SLC1A5: variants seen among roughly 807,000 people sequenced by gnomAD.
SLC1A5 encodes the protein solute carrier family 1 member 5.
In SLC1A5, 25 loss-of-function variants were observed where a neutral mutation model predicts 34.9. The observed-to-expected ratio is 0.72, with a 90% CI of 0.52 to 1.00. The LOEUF (loss-of-function observed/expected upper bound fraction) is 1.00. Ranked by LOEUF, SLC1A5 falls within the 50% of genes least tolerant of loss-of-function variation. The probability of loss-of-function intolerance (pLI) is 0.00; values close to 1 mark genes in which losing one functional copy is unlikely to be tolerated. For missense variants in SLC1A5, 637 were observed against 740.0 expected, an observed-to-expected ratio of 0.86 and a Z score of 1.61; for synonymous variants, 351 against 341.2, an observed-to-expected ratio of 1.03 and a Z score of -0.32.
At chr19:46,784,009 C>T (rs943459022) in intron 3 of SLC1A5, 88 bp downstream of exon 3, 6 of 999,044 alleles carry the variant, frequency 6.0e-6, no homozygotes, top group African/African-American at 4.8e-5. Context: ...AATCAAATTC[C>T]ACAGCAAAGA....
At chr19:46,778,286 G>A (rs192837513) in intron 5 of SLC1A5, among the ~76,000 whole-genome samples, 2 of 152,278 alleles carry the variant, frequency 1.3e-5, no homozygotes, top group East Asian at 3.9e-4. Flanking sequence ...AAAATTAGCT[G>A]GGTATGGTGG....
Position 46,787,707 on chromosome 19 carries a change from T to C in SLC1A5, c.259A>G (p.Ser87Gly). The C allele has an allele frequency of 6.3e-7, 1 of 1,581,710 alleles. No individual in the cohort carries two copies. The highest frequency in any genetic ancestry group is 1.3e-5 in the African/African-American group (1 of 74,638). Residue 87 changes from serine (S) to glycine (G), a missense_variant, in exon 1 of 8, where the codon AGC becomes GGC. Ser to Gly is a moderately conservative substitution (Grantham distance 56). Transcript: ENST00000542575. This position sits in a 1 kb window ranked among gnomAD's most constrained non-coding sequence, Gnocchi z 5.2. ...AGCTCGCCCGGGAAGACGAAGGCGC[T>C]CAAGCGCTCCGGGCCCAACGCCAGC... ...GALALGPERL[S>G]AFVFPGELLL...
At position 46,777,217 on chromosome 19, in the gene SLC1A5, G is replaced by T. The variant is rs1455096755; in HGVS notation, c.1247C>A (p.Thr416Asn). The change falls in exon 6 of 8, where the codon ACC (threonine) becomes AAC (asparagine). Residue 416 changes from threonine (T) to asparagine (N), a missense_variant. Physicochemically the swap from Thr to Asn is moderately conservative, Grantham distance 65 (BLOSUM62 0). Transcript: ENST00000542575. The part of the protein sequence containing the change: ...QQSLDFVKII[T>N]ILVTATASSV... Reference sequence around the variant, plus strand: ...GCAGCCCCCTGACACTCACAGGATGGTGATGATCTTTACGAAGTCCAAGGA... The same window carrying T: ...GCAGCCCCCTGACACTCACAGGATGTTGATGATCTTTACGAAGTCCAAGGA... 3 of 1,605,064 alleles carry T rather than the reference G, an allele frequency of 1.9e-6. No individual in the cohort carries two copies. The highest frequency in any genetic ancestry group is 2.6e-6 in the Non-Finnish European group (3 of 1,174,446).
chr19:46,788,144 G>C lies in SLC1A5; in HGVS notation c.-179C>G, dbSNP rs2122704107. 8.3e-6 allele frequency: 5 copies of C among 600,258 alleles called. No individual in the cohort carries two copies. In the South Asian group the frequency reaches 9.1e-5, roughly 11 times the overall value. 37.2% of individuals were successfully genotyped at this position (600,258 alleles called of 1,614,324 possible). A position where few individuals can be genotyped will look rare whatever the true frequency, so the allele number is the denominator to read the frequency against. On this transcript the variant is annotated 5_prime_UTR_variant, in exon 1 of 8. Transcript: ENST00000542575. ...GAAGTTCCTTGGCTCTTGGAAGCTG[G>C]AGTGTTTAAATTCCCCAGGCTGGGC...
intron 4 of SLC1A5, among the ~76,000 whole-genome samples, chr19:46,779,807 CAG>C (rs1221228239): frequency 2.6e-5 from 4 of 151,044 alleles, no homozygotes; most frequent in Admixed American, 1.3e-4. Flanking sequence ...TGAAGGCAGA[CAG>C]ATCGCTTGAG....
intron 2 of SLC1A5, 27 bp from the exon 3 acceptor site, chr19:46,784,171 T>C: frequency 1.3e-6 from 2 of 1,581,306 alleles, no homozygotes; most frequent in Non-Finnish European, 1.7e-6. Context: ...GAAGAGTCAG[T>C]GTCCATCGTT....
At chr19:46,786,048 T>C (rs1204300366) in intron 1 of SLC1A5, among the ~76,000 whole-genome samples, 1 of 140,306 alleles carries the variant, frequency 7.1e-6, no homozygotes, top group African/African-American at 2.7e-5. Flanking sequence ...CAACAGAGAC[T>C]GTCTCAAAAA....
In SLC1A5 at chr19:46,787,667, AG is replaced by A. The variant is rs2055196603; in HGVS notation, c.298del (p.Leu100CysfsTer3). ...VFPGELLLRL[L>X]RMIILPLVVC... Reference sequence around the variant, plus strand: ...CACCAGCGGCAAGATGATCATCCGCAGCAGACGCAGCAGCAGCTCGCCCGGG... The same window carrying A: ...CACCAGCGGCAAGATGATCATCCGCACAGACGCAGCAGCAGCTCGCCCGGG... On this transcript the variant is annotated frameshift_variant, in exon 1 of 8. Transcript: ENST00000542575. LOFTEE classifies it high-confidence loss of function. The surrounding 1 kb of genome is among the most constrained non-coding windows in gnomAD (Gnocchi z 5.2). 1 of 1,592,032 alleles carries A rather than the reference AG, an allele frequency of 6.3e-7. No homozygotes were observed.
chr19:46,777,253 AGCTGT>A lies in SLC1A5; in HGVS notation c.1206_1210del (p.Leu404ProfsTer70). The A allele has an allele frequency of 6.2e-7, 1 of 1,611,238 alleles. No individual in the cohort carries two copies. The highest frequency in any genetic ancestry group is 1.3e-5 in the African/African-American group (1 of 74,942). On this transcript the variant is annotated frameshift_variant, in exon 6 of 8. Transcript: ENST00000542575. LOFTEE classifies it high-confidence loss of function. ...TACGAAGTCCAAGGACTGCTGGCTG[AGCTGT>A]GCAATGAACACTGCGGCCACGCACT...
Position 46,777,360 on chromosome 19 carries a change from A to G in SLC1A5, c.1104T>C (p.Asn368=), listed in dbSNP as rs1420882808. 1 of 1,613,440 alleles carries G rather than the reference A, an allele frequency of 6.2e-7. No homozygotes were observed. The highest frequency in any genetic ancestry group is 8.5e-7 in the Non-Finnish European group (1 of 1,179,938). The change falls in exon 6 of 8, where the codon AAT becomes AAC. Residue 368 remains asparagine, a synonymous_variant. Transcript: ENST00000542575. Reference sequence around the variant, plus strand: ...AACGGCTGATGTGCTTGGCCACGCCATTATTCTCCTCCACGCACTTCATCA... The same window carrying G: ...AACGGCTGATGTGCTTGGCCACGCCGTTATTCTCCTCCACGCACTTCATCA... The part of the protein sequence containing the change: ...PLMMKCVEEN[N]GVAKHISRFI...
chr19:46,784,619 G>A (rs1248351432), intron 1 of SLC1A5, 60 bp from the exon 2 acceptor site: 1 of 1,613,734 alleles, frequency 6.2e-7, no homozygotes, highest in Non-Finnish European at 8.5e-7. Flanking sequence ...AGCATTGTCT[G>A]AGAGGCTGGG....
rs1022496746 is a variant in SLC1A5, at chr19:46,787,830, G to C, written c.136C>G (p.Arg46Gly). 4 of 1,551,710 alleles carry C rather than the reference G, an allele frequency of 2.6e-6. No individual in the cohort carries two copies. The African/African-American group carries it at 5.5e-5, about 21-fold the overall frequency. ...AGCAGGTTGGCTCGAAGGCAGCGGC[G>C]CACCTGGTCCCGGGAACCGCAGTAG... is the stretch of plus-strand genomic sequence containing the variant. ...GGYCGSRDQV[R>G]RCLRANLLVL... The change falls in exon 1 of 8, where the codon CGC (arginine) becomes GGC (glycine). Residue 46 changes from arginine (R) to glycine (G), a missense_variant. Coordinates refer to ENST00000542575, the MANE Select transcript of SLC1A5 (RefSeq NM_005628.3). This position sits in a 1 kb window ranked among gnomAD's most constrained non-coding sequence, Gnocchi z 5.2.
intron 7 of SLC1A5, among the ~76,000 whole-genome samples, chr19:46,776,330 A>G (rs915223297): frequency 3.3e-5 from 5 of 151,016 alleles, no homozygotes; most frequent in Admixed American, 1.3e-4. Context: ...CCTCCTGAGT[A>G]GCTGAGATCA....
intron 4 of SLC1A5, 22 bp downstream of exon 4, chr19:46,782,361 A>G: frequency 3.8e-6 from 1 of 263,478 alleles, no homozygotes; most frequent in Non-Finnish European, 5.7e-6. Flanking sequence ...ACCCACCCCC[A>G]GCCTCCTCTC....
chr19:46,778,712 C>T lies in SLC1A5; in HGVS notation c.1021G>A (p.Val341Met), dbSNP rs758453864. ...KNPYRFLWGI[V>M]TPLATAFGTS... ...CCAAAGGCAGTGGCCAGCGGCGTCA[C>T]GATGCCCCACAGGAAGCGGTAGGGG... Residue 341 changes from valine to methionine, a missense_variant, in exon 5 of 8, where the codon GTG becomes ATG. Physicochemically the swap from Val to Met is conservative, Grantham distance 21. Coordinates refer to ENST00000542575, the MANE Select transcript of SLC1A5 (RefSeq NM_005628.3). 6.2e-6 allele frequency: 10 copies of T among 1,613,290 alleles called. No homozygotes were observed. Among genetic ancestry groups the T allele is most frequent in the South Asian group, 3.3e-5 (3 of 91,058 alleles).
chr19:46,787,848 C>T lies in SLC1A5; in HGVS notation c.118G>A (p.Gly40Ser), dbSNP rs1419192542. 3 of 1,553,680 alleles carry T rather than the reference C, an allele frequency of 1.9e-6. No individual in the cohort carries two copies. The South Asian group carries it at 3.5e-5, about 18-fold the overall frequency. ...CAGCGGCGCACCTGGTCCCGGGAAC[C>T]GCAGTAGCCGCCTGCTGCCGCGCCT... ...DQGAAAGGYC[G>S]SRDQVRRCLR... is the part of the protein sequence containing the mutation. The change falls in exon 1 of 8, where the codon GGT becomes AGT. Residue 40 changes from glycine (G) to serine (S), a missense_variant. Physicochemically the swap from Gly to Ser is moderately conservative, Grantham distance 56. Transcript: ENST00000542575. The surrounding 1 kb of genome is among the most constrained non-coding windows in gnomAD (Gnocchi z 5.2).
At chr19:46,778,069 A>G (rs1211828328) in intron 5 of SLC1A5, among the ~76,000 whole-genome samples, 1 of 152,186 alleles carries the variant, frequency 6.6e-6, no homozygotes, top group African/African-American at 2.4e-5. Context: ...GGACAGGGCC[A>G]GCAGGGATGA....
At chr19:46,779,930 G>T (rs1242283339) in intron 4 of SLC1A5, among the ~76,000 whole-genome samples, 3 of 151,152 alleles carry the variant, frequency 2.0e-5, no homozygotes, top group Non-Finnish European at 4.4e-5. Context: ...TCGGCTCACT[G>T]CACCCTCCGC....
Position 46,784,555 on chromosome 19 carries a change from T to C in SLC1A5, c.571A>G (p.Ile191Val). The part of the protein sequence containing the change: ...LDSFLDLARN[I>V]FPSNLVSAAF... The stretch of plus-strand genomic sequence containing the variant: ...GCTGACACCAGGTTGGAAGGGAAGA[T>C]ATTTCTGCAGAGACAGACACACAGA... Residue 191 changes from isoleucine to valine, a missense_variant, in exon 2 of 8, where the codon ATC (isoleucine) becomes GTC (valine). Physicochemically the swap from Ile to Val is conservative, Grantham distance 29. Coordinates refer to ENST00000542575, the MANE Select transcript of SLC1A5 (RefSeq NM_005628.3). The C allele has an allele frequency of 1.2e-6, 2 of 1,614,074 alleles. No homozygotes were observed. Among genetic ancestry groups the C allele is most frequent in the Non-Finnish European group, 1.7e-6 (2 of 1,180,022 alleles).
Sources: allele counts gnomAD v4.1 joint callset (sites outside exome capture counted in the v4.1 genomes callset), GRCh38; gene constraint gnomAD v4.1.1; non-coding constraint Gnocchi (gnomAD v3.1); transcripts MANE v1.5; gene names NCBI Gene and HGNC (gene_info 2026-07-23, HGNC 2026-07-21).